CPQ: variants seen among roughly 807,000 people sequenced by gnomAD.
CPQ encodes the protein Ser-Met dipeptidase.
In CPQ, 37 loss-of-function variants were observed where a neutral mutation model predicts 45.7. The observed-to-expected ratio is 0.81, with a 90% confidence interval of 0.62 to 1.07. The LOEUF is 1.07. Ranked by LOEUF, CPQ falls within the 50% of genes least tolerant of loss-of-function variation. The probability of loss-of-function intolerance (pLI) is 0.00; values close to 1 mark genes in which losing one functional copy is unlikely to be tolerated. For synonymous variants in CPQ, 186 were observed against 205.8 expected, an observed-to-expected ratio of 0.90 and a Z score of 0.82; for missense variants, 537 against 572.9, an observed-to-expected ratio of 0.94 and a Z score of 0.64.
chr8:97,051,194 C>T (rs55952110), intron 6 of CPQ, among the ~76,000 whole-genome samples: 1 of 152,162 alleles, frequency 6.6e-6, no homozygotes, highest in Non-Finnish European at 1.5e-5. Context: ...TTGACCATTG[C>T]TGTGCCACAG....
intron 4 of CPQ, among the ~76,000 whole-genome samples, chr8:96,953,435 T>A (rs1011520269): frequency 2.4e-4 from 37 of 152,102 alleles, no homozygotes; most frequent in African/African-American, 8.4e-4. Flanking sequence ...GGCCTGATTA[T>A]TCCTTCAGGG....
chr8:96,815,417 A>T (rs1586411529), intron 2 of CPQ, among the ~76,000 whole-genome samples: 2 of 152,094 alleles, frequency 1.3e-5, no homozygotes, highest in African/African-American at 4.8e-5. Flanking sequence ...TGGAGAGCTT[A>T]AGCGATTTGC....
chr8:96,715,523 A>C (rs1452770891), intron 1 of CPQ, among the ~76,000 whole-genome samples: 2 of 152,172 alleles, frequency 1.3e-5, no homozygotes, highest in Non-Finnish European at 2.9e-5. Context: ...AGGTGTACCC[A>C]CACGAAGCTC....
chr8:96,954,207 G>T (rs775879830), intron 4 of CPQ, among the ~76,000 whole-genome samples: 1 of 150,864 alleles, frequency 6.6e-6, no homozygotes, highest in Non-Finnish European at 1.5e-5. Flanking sequence ...GTTTTTGTTT[G>T]TATTGTTTTT....
intron 1 of CPQ, among the ~76,000 whole-genome samples, chr8:96,682,264 C>G: frequency 6.6e-6 from 1 of 152,048 alleles, no homozygotes; most frequent in Non-Finnish European, 1.5e-5. Flanking sequence ...AATTGAATCA[C>G]GAGAGTGGAT....
chr8:96,947,970 G>A (rs1056323125), intron 4 of CPQ, among the ~76,000 whole-genome samples: 1 of 151,984 alleles, frequency 6.6e-6, no homozygotes, highest in Non-Finnish European at 1.5e-5. Flanking sequence ...GCCAGCCCAT[G>A]CTCCAGGTGG....
chr8:97,113,148 G>GCTACCC (rs1811525462), intron 7 of CPQ, among the ~76,000 whole-genome samples: 1 of 152,146 alleles, frequency 6.6e-6, no homozygotes, highest in Non-Finnish European at 1.5e-5. Context: ...CAGGAGAGAG[G>GCTACCC]CTACCATGAC....
At chr8:96,750,411 C>T (rs1397488752) in intron 1 of CPQ, among the ~76,000 whole-genome samples, 1 of 151,904 alleles carries the variant, frequency 6.6e-6, no homozygotes, top group Non-Finnish European at 1.5e-5. Flanking sequence ...GTGCTTGGAA[C>T]AGAGTACATG....
intron 2 of CPQ, among the ~76,000 whole-genome samples, chr8:96,818,457 T>C (rs889495010): frequency 2.0e-5 from 3 of 152,006 alleles, no homozygotes; most frequent in African/African-American, 7.2e-5. Context: ...AGTGAACAAC[T>C]GCTCTTGGAA....
chr8:96,949,066 G>A (rs932483228), intron 4 of CPQ, among the ~76,000 whole-genome samples: 4 of 152,032 alleles, frequency 2.6e-5, no homozygotes, highest in Non-Finnish European at 4.4e-5. Context: ...AGTGCATGTA[G>A]TTGGGTATTT....
chr8:97,015,459 A>G (rs2130446138), intron 5 of CPQ, among the ~76,000 whole-genome samples: 1 of 152,270 alleles, frequency 6.6e-6, no homozygotes, highest in East Asian at 1.9e-4. Flanking sequence ...CTTGCCAGGC[A>G]TCGGATATAA....
At chr8:96,799,241 AC>A (rs991954792) in intron 2 of CPQ, among the ~76,000 whole-genome samples, 1 of 152,168 alleles carries the variant, frequency 6.6e-6, no homozygotes, top group Non-Finnish European at 1.5e-5. Flanking sequence ...TACAGCCTAA[AC>A]TTATTTCCAA....
chr8:96,924,804 T>A (rs1017782071), intron 4 of CPQ, among the ~76,000 whole-genome samples: 1 of 152,216 alleles, frequency 6.6e-6, no homozygotes, highest in Non-Finnish European at 1.5e-5. Context: ...TATAAACTTC[T>A]GTGGATATTA....
At chr8:96,688,399 T>C (rs899507357) in intron 1 of CPQ, among the ~76,000 whole-genome samples, 19 of 152,218 alleles carry the variant, frequency 1.2e-4, no homozygotes, top group African/African-American at 4.3e-4. Flanking sequence ...ACCTCATTTT[T>C]CTTTTAATGA....
At chr8:96,918,927 G>A (rs1048017835) in intron 4 of CPQ, among the ~76,000 whole-genome samples, 1 of 152,032 alleles carries the variant, frequency 6.6e-6, no homozygotes, top group South Asian at 2.1e-4. Context: ...GACTTACCCT[G>A]CTTTAGTGGT....
At chr8:96,793,648 C>T (rs895538268) in intron 2 of CPQ, among the ~76,000 whole-genome samples, 4 of 152,206 alleles carry the variant, frequency 2.6e-5, no homozygotes, top group Non-Finnish European at 4.4e-5. Context: ...AAAATCTTAA[C>T]TCATTTCAGC....
chr8:96,944,176 G>T (rs1389853548), intron 4 of CPQ, among the ~76,000 whole-genome samples: 3 of 151,974 alleles, frequency 2.0e-5, no homozygotes, highest in Non-Finnish European at 4.4e-5. Context: ...ATATTGCTTA[G>T]TACTGAATCC....
At chr8:97,025,658 C>G (rs1809787882) in intron 5 of CPQ, among the ~76,000 whole-genome samples, 1 of 152,172 alleles carries the variant, frequency 6.6e-6, no homozygotes. Flanking sequence ...CCACTTACCC[C>G]AAATCTGCCA....
At chr8:96,763,920 T>C (rs889169387) in intron 1 of CPQ, among the ~76,000 whole-genome samples, 15 of 152,322 alleles carry the variant, frequency 9.8e-5, no homozygotes, top group Middle Eastern at 3.4e-3. Flanking sequence ...AACTCTCATA[T>C]ACTTTTGGTG....
Sources: allele counts gnomAD v4.1 joint callset (sites outside exome capture counted in the v4.1 genomes callset), GRCh38; gene constraint gnomAD v4.1.1; transcripts MANE v1.5; gene names NCBI Gene and HGNC (gene_info 2026-07-23, HGNC 2026-07-21).